Variants in CNTN4 observed in about 807,000 individuals in gnomAD.
CNTN4 encodes the protein contactin 4, also known as contactin-4.
A neutral mutation model predicts 122.5 loss-of-function variants in CNTN4; 77 were observed. The ratio of observed to expected loss-of-function variants is 0.63; its 90% CI spans 0.52 to 0.76. CNTN4 has a LOEUF of 0.76. Among genes scored for constraint, CNTN4 ranks in the 30% least tolerant of loss-of-function variants. CNTN4 has a pLI of 0.00. For missense variants in CNTN4, 1,256 were observed against 1,259.1 expected, an observed-to-expected ratio of 1.00 and a Z score of 0.04; for synonymous variants, 512 against 447.0, an observed-to-expected ratio of 1.15 and a Z score of -1.83.
At chr3:2,348,700 G>T (rs2044496457) in intron 3 of CNTN4, among the ~76,000 whole-genome samples, 1 of 152,038 alleles carries the variant, frequency 6.6e-6, no homozygotes. Flanking sequence ...TTCAAAACTG[G>T]AAGTTTCTAA....
Position 2,258,730 on chromosome 3 carries a change from A to G in CNTN4, c.-144-80448A>G, listed in dbSNP as rs566922466. 2.0e-5 allele frequency among the ~76,000 whole-genome samples: 3 copies of G among 152,212 alleles called. No individual in the cohort carries two copies. The South Asian group carries it at 6.2e-4, about 32-fold the overall frequency. ...GGAACTCTAATCTTTTGCTTCACAG[A>G]TACTTTGAACTGGCATCTCATGTCT... On this transcript the variant is annotated intron_variant, in intron 2 of 24. Coordinates refer to ENST00000418658, the MANE Select transcript of CNTN4 (RefSeq NM_175607.3).
At chr3:2,438,975 G>T (rs888356925) in intron 3 of CNTN4, among the ~76,000 whole-genome samples, 15 of 152,204 alleles carry the variant, frequency 9.9e-5, no homozygotes, top group Admixed American at 9.8e-4. Context: ...GGGACAGCAA[G>T]TGCAAACTAG....
At chr3:2,575,654 G>C (rs576182751) in intron 4 of CNTN4, among the ~76,000 whole-genome samples, 1 of 152,208 alleles carries the variant, frequency 6.6e-6, no homozygotes, top group Non-Finnish European at 1.5e-5. Context: ...GTGCTCAAAT[G>C]TCACCTAATT....
intron 4 of CNTN4, among the ~76,000 whole-genome samples, chr3:2,695,540 G>A (rs2085980562): frequency 6.6e-6 from 1 of 152,168 alleles, no homozygotes; most frequent in Non-Finnish European, 1.5e-5. Context: ...TCTGATGTCA[G>A]TTTGATGTCC....
chr3:2,205,947 G>A (rs2038321937), intron 2 of CNTN4, among the ~76,000 whole-genome samples: 4 of 152,048 alleles, frequency 2.6e-5, no homozygotes, highest in African/African-American at 9.7e-5. Context: ...ACAACTGAAT[G>A]CATTTTATTA....
At chr3:2,726,197 A>C (rs2088211262) in intron 4 of CNTN4, among the ~76,000 whole-genome samples, 1 of 152,182 alleles carries the variant, frequency 6.6e-6, no homozygotes, top group South Asian at 2.1e-4. Context: ...AAGCAATTCT[A>C]GACTACAAAA....
rs189691509 is a variant in CNTN4 at position 2,349,324 on chromosome 3, T to C, written c.-89+10091T>C. Among the ~76,000 whole-genome samples, 12 of 152,308 alleles carry C rather than the reference T, an allele frequency of 7.9e-5. No homozygotes were observed. In the East Asian group the frequency reaches 2.3e-3, roughly 29 times the overall value. On this transcript the variant is annotated intron_variant, in intron 3 of 24. Transcript: ENST00000418658. ...TAAATTAGGGTACATTTTTAACCTT[T>C]TCATGTTTAAACTAAGACACATAGT...
intron 11 of CNTN4, among the ~76,000 whole-genome samples, chr3:2,902,383 A>AT (rs1197909581): frequency 6.6e-6 from 1 of 152,118 alleles, no homozygotes; most frequent in Non-Finnish European, 1.5e-5. Context: ...TAATACCTAC[A>AT]TTTTTTAGTA....
intron 2 of CNTN4, among the ~76,000 whole-genome samples, chr3:2,149,635 A>T (rs1254695666): frequency 1.9e-4 from 29 of 152,166 alleles, no homozygotes; most frequent in Admixed American, 1.9e-3. Context: ...GGTCATGTCT[A>T]ATTTTTTAAT....
chr3:2,720,051 G>C (rs972887696), intron 4 of CNTN4, among the ~76,000 whole-genome samples: 7 of 152,082 alleles, frequency 4.6e-5, no homozygotes, highest in Non-Finnish European at 1.0e-4. Flanking sequence ...TCTTCTAAGA[G>C]CTTGCAAGCA....
intron 10 of CNTN4, among the ~76,000 whole-genome samples, chr3:2,893,469 A>G (rs1236384419): frequency 3.3e-5 from 5 of 152,348 alleles, no homozygotes; most frequent in Middle Eastern, 3.4e-3. Flanking sequence ...CAGAACTGAT[A>G]TTGATACCCT....
chr3:2,925,590 C>T, intron 12 of CNTN4, 39 bp from the exon 13 acceptor site: 17 of 1,592,454 alleles, frequency 1.1e-5, no homozygotes, highest in Non-Finnish European at 1.4e-5. Context: ...TCATGGAAGG[C>T]TGTCTTGCAT....
At chr3:2,353,140 C>G (rs150397888) in intron 3 of CNTN4, among the ~76,000 whole-genome samples, 73 of 152,114 alleles carry the variant, frequency 4.8e-4, no homozygotes, top group Non-Finnish European at 9.4e-4. Flanking sequence ...AGCACTGTGT[C>G]TAGCTCGGGT....
At chr3:2,912,716 G>A (rs1464719120) in intron 12 of CNTN4, among the ~76,000 whole-genome samples, 1 of 152,194 alleles carries the variant, frequency 6.6e-6, no homozygotes, top group African/African-American at 2.4e-5. Flanking sequence ...CATGATTGAA[G>A]TTAAATTGTT....
At chr3:2,994,377 A>G (rs1695332546) in intron 14 of CNTN4, among the ~76,000 whole-genome samples, 1 of 152,090 alleles carries the variant, frequency 6.6e-6, no homozygotes. Context: ...TTTATACTTT[A>G]AGTAGCTTTA....
intron 3 of CNTN4, among the ~76,000 whole-genome samples, chr3:2,444,369 G>A (rs1575644721): frequency 6.6e-6 from 1 of 152,164 alleles, no homozygotes; most frequent in East Asian, 1.9e-4. Flanking sequence ...CCTCTCTGAG[G>A]AAGGGATGCA....
At chr3:2,170,258 T>G (rs931647963) in intron 2 of CNTN4, among the ~76,000 whole-genome samples, 2 of 151,886 alleles carry the variant, frequency 1.3e-5, no homozygotes, top group African/African-American at 4.8e-5. Flanking sequence ...AGGCGGAGCT[T>G]GCAGTGAGCC....
intron 4 of CNTN4, among the ~76,000 whole-genome samples, chr3:2,619,453 A>G (rs931466236): frequency 3.3e-5 from 5 of 152,232 alleles, no homozygotes; most frequent in African/African-American, 1.2e-4. Flanking sequence ...TCCATTATCC[A>G]TCTATGGGGA....
chr3:2,689,341 A>G (rs113935346), intron 4 of CNTN4, among the ~76,000 whole-genome samples: 16 of 152,134 alleles, frequency 1.1e-4, no homozygotes, highest in Admixed American at 3.3e-4. Flanking sequence ...AAGAATCCTC[A>G]CTGAAGTTAT....
Sources: gnomAD v4.1 joint callset for allele counts (sites outside exome capture counted in the v4.1 genomes callset) on GRCh38, gnomAD v4.1.1 for gene constraint, MANE v1.5 for transcripts, NCBI Gene and HGNC (gene_info 2026-07-23, HGNC 2026-07-21) for gene names.